LARP1B: variants seen among roughly 807,000 people sequenced by gnomAD.
LARP1B encodes the protein La ribonucleoprotein 1B.
In LARP1B, 76 loss-of-function variants were observed where a neutral mutation model predicts 114.2. That is an observed-to-expected ratio of 0.67 (90% CI 0.55 to 0.81). The LOEUF (loss-of-function observed/expected upper bound fraction) is 0.81, where lower values mean the gene tolerates loss of function less well. Ranked by LOEUF, LARP1B falls within the 30% of genes least tolerant of loss-of-function variation. The probability of loss-of-function intolerance (pLI) is 0.00; values close to 1 mark genes in which losing one functional copy is unlikely to be tolerated. For missense variants in LARP1B, 1,014 were observed against 1,075.8 expected, an observed-to-expected ratio of 0.94 and a Z score of 0.80; for synonymous variants, 345 against 348.0, an observed-to-expected ratio of 0.99 and a Z score of 0.10.
At chr4:128,073,571 C>CG (rs1766380819) in intron 1 of LARP1B, among the ~76,000 whole-genome samples, 1 of 49,138 alleles carries the variant, frequency 2.0e-5, no homozygotes, top group South Asian at 8.3e-4. Flanking sequence ...ATATTGTTGT[C>CG]GTTTTTTTTT....
At chr4:128,191,193 T>C (rs1038116280) in intron 15 of LARP1B, among the ~76,000 whole-genome samples, 1 of 152,194 alleles carries the variant, frequency 6.6e-6, no homozygotes, top group Non-Finnish European at 1.5e-5. Context: ...TGGATTTTGC[T>C]GAGTGTCTGT....
intron 12 of LARP1B, among the ~76,000 whole-genome samples, chr4:128,163,659 G>C (rs1204922524): frequency 6.6e-6 from 1 of 152,040 alleles, no homozygotes; most frequent in South Asian, 2.1e-4. Context: ...AGTACTAGCT[G>C]GTTCCTTAAC....
intron 15 of LARP1B, among the ~76,000 whole-genome samples, chr4:128,181,770 A>G (rs919512251): frequency 1.3e-5 from 2 of 149,888 alleles, no homozygotes; most frequent in African/African-American, 4.9e-5. Flanking sequence ...AATTCTTGCA[A>G]TATTTCAAAC....
intron 9 of LARP1B, among the ~76,000 whole-genome samples, chr4:128,109,298 C>T (rs533698593): frequency 6.6e-6 from 1 of 152,204 alleles, no homozygotes; most frequent in South Asian, 2.1e-4. Context: ...AACTGTATAT[C>T]ATTTTAATCT....
intron 11 of LARP1B, among the ~76,000 whole-genome samples, chr4:128,145,201 A>T (rs1055349427): frequency 3.9e-5 from 6 of 152,100 alleles, no homozygotes; most frequent in Non-Finnish European, 7.4e-5. Context: ...TAACCTCCAA[A>T]TTCTGTGTCT....
At chr4:128,213,629 A>T (rs73848747), downstream of LARP1B, among the ~76,000 whole-genome samples, 2 of 152,246 alleles carry the variant, frequency 1.3e-5, no homozygotes, top group African/African-American at 4.8e-5. Context: ...CCCAAAATTT[A>T]TGAAAGTCCC....
intron 12 of LARP1B, among the ~76,000 whole-genome samples, chr4:128,172,937 A>ATGTGTGTGTGTGTGTGTGTG (rs57382183): frequency 8.8e-5 from 12 of 137,098 alleles, no homozygotes; most frequent in African/African-American, 2.7e-4. Flanking sequence ...ATCCCATCCA[A>ATGTGTGTGTGTGTGTGTGTG]TGTGTGTGTG....
At chr4:128,155,711 G>T (rs1369369464) in intron 11 of LARP1B, 9 of 1,607,222 alleles carry the variant, frequency 5.6e-6, no homozygotes, top group Non-Finnish European at 6.8e-6. Flanking sequence ...GAGGAGCGCC[G>T]CCGAGTAAGG....
At chr4:128,084,506 T>C (rs1772493820) in intron 5 of LARP1B, among the ~76,000 whole-genome samples, 1 of 152,074 alleles carries the variant, frequency 6.6e-6, no homozygotes, top group East Asian at 1.9e-4. Flanking sequence ...GCGCCTGCAA[T>C]CGCAGGCACT....
At chr4:128,176,303 T>A (rs12646096) in intron 12 of LARP1B, among the ~76,000 whole-genome samples, 29,969 of 141,022 alleles carry the variant, frequency 0.21, 3,808 homozygotes, top group Middle Eastern at 0.4. Flanking sequence ...ATATATATAT[T>A]TTTTTTTTAG....
At chr4:128,207,812 G>A (rs1757998932) in intron 19 of LARP1B, among the ~76,000 whole-genome samples, 1 of 152,236 alleles carries the variant, frequency 6.6e-6, no homozygotes. Context: ...GTGCATGTGT[G>A]CAAGCACAAG....
intron 3 of LARP1B, among the ~76,000 whole-genome samples, chr4:128,076,649 T>G (rs533354519): frequency 2.9e-4 from 44 of 152,198 alleles, no homozygotes; most frequent in Non-Finnish European, 5.1e-4. Flanking sequence ...GTTTTAGCTT[T>G]TTAAGAAACT....
In LARP1B at chr4:128,191,661, A is replaced by G. The variant is rs1752330551; in HGVS notation, c.2004-7778A>G. On this transcript the variant is annotated intron_variant, in intron 15 of 19. Coordinates refer to ENST00000326639, the MANE Select transcript of LARP1B (RefSeq NM_018078.4). ...GTGGTCCTGCTGAACAGCCACTCTGATATGGCATCTCTTTTGGCTGAAATA... is the reference window on the plus strand; with the variant it reads ...GTGGTCCTGCTGAACAGCCACTCTGGTATGGCATCTCTTTTGGCTGAAATA... Among the ~76,000 whole-genome samples the G allele has an allele frequency of 5.3e-5, 8 of 152,102 alleles. No homozygotes were observed. In the South Asian group the frequency reaches 1.7e-3, roughly 32 times the overall value.
intron 11 of LARP1B, among the ~76,000 whole-genome samples, chr4:128,156,877 A>C (rs1386346669): frequency 1.3e-5 from 2 of 151,412 alleles, no homozygotes; most frequent in African/African-American, 4.8e-5. Context: ...AAAAAAAAAA[A>C]AAAAAAAAAA....
chr4:128,082,379 T>C, intron 5 of LARP1B, 74 bp downstream of exon 5: 3 of 1,323,222 alleles, frequency 2.3e-6, no homozygotes, highest in Non-Finnish European at 2.2e-6. Flanking sequence ...AGTAACCACA[T>C]GTATAAACCA....
chr4:128,098,747 G>GTGTGTGTGTGTGTGTATATATA, intron 8 of LARP1B, among the ~76,000 whole-genome samples: 1 of 15,594 alleles, frequency 6.4e-5, no homozygotes, highest in African/African-American at 1.9e-4. Flanking sequence ...ATATGTATGT[G>GTGTGTGTGTGTGTGTATATATA]TATATATATA....
intron 8 of LARP1B, among the ~76,000 whole-genome samples, chr4:128,104,255 C>T (rs188759058): frequency 8.2e-4 from 125 of 152,214 alleles, no homozygotes; most frequent in African/African-American, 2.8e-3. Context: ...CCACTGCTTT[C>T]CCTTTTAAGA....
At position 128,108,104 on chromosome 4, in the gene LARP1B, A is replaced by G. The variant is rs1782728117; in HGVS notation, c.988+791A>G. On this transcript the variant is annotated intron_variant, in intron 9 of 19. Transcript: ENST00000326639. Reference sequence around the variant, plus strand: ...ATAACCACCTTTGCGATAATGAGAGACAGACCAGAGGACTGCTACTCTTTT... The same window carrying G: ...ATAACCACCTTTGCGATAATGAGAGGCAGACCAGAGGACTGCTACTCTTTT... The G allele has an allele frequency of 1.7e-5, 24 of 1,380,318 alleles. No homozygotes were observed. In the South Asian group the frequency reaches 3.7e-4, roughly 21 times the overall value. 85.5% of individuals were successfully genotyped at this position (1,380,318 alleles called of 1,614,324 possible). A position where few individuals can be genotyped will look rare whatever the true frequency, so the allele number is the denominator to read the frequency against.
chr4:128,191,130 A>G (rs1348701411), intron 15 of LARP1B, among the ~76,000 whole-genome samples: 1 of 148,596 alleles, frequency 6.7e-6, no homozygotes, highest in Non-Finnish European at 1.5e-5. Context: ...TTTAATTTCA[A>G]TCTCTTTGTG....
Sources: allele counts gnomAD v4.1 joint callset (sites outside exome capture counted in the v4.1 genomes callset), GRCh38; gene constraint gnomAD v4.1.1; transcripts MANE v1.5; gene names NCBI Gene and HGNC (gene_info 2026-07-23, HGNC 2026-07-21).